Variants in ITGA6 observed in about 807,000 individuals in gnomAD.
ITGA6 encodes integrin subunit alpha 6, also known as integrin alpha-6.
In ITGA6, 63 loss-of-function variants were observed where a neutral mutation model predicts 133.6. That is an observed-to-expected ratio of 0.47 (90% CI 0.38 to 0.58). The LOEUF is 0.58. ITGA6 is among the 20% of genes least tolerant of loss of function. The pLI, the probability that ITGA6 is intolerant of heterozygous loss-of-function variation, is 0.00. For missense variants in ITGA6, 1,068 were observed against 1,309.4 expected, an observed-to-expected ratio of 0.82 and a Z score of 2.85; for synonymous variants, 434 against 482.0, an observed-to-expected ratio of 0.90 and a Z score of 1.30.
At chr2:172,459,518 C>A (rs1313799199) in intron 1 of ITGA6, among the ~76,000 whole-genome samples, 2 of 152,034 alleles carry the variant, frequency 1.3e-5, no homozygotes, top group African/African-American at 4.8e-5. Flanking sequence ...AAGAAGTTAC[C>A]CTTTTGAGAG....
rs1574362504 is a variant in ITGA6, at chr2:172,466,166, G to A, written c.307+503G>A. On this transcript the variant is annotated intron_variant, in intron 2 of 25. Transcript: ENST00000684293. The stretch of plus-strand genomic sequence containing the variant: ...TCTGGATAGGTAGAAGATACCATGA[G>A]GTAGGCATGTTGACATCCAGTGTAC... 1.4e-5 allele frequency: 3 copies of A among 207,754 alleles called. No individual in the cohort carries two copies. In the East Asian group the frequency reaches 3.5e-4, roughly 25 times the overall value. 12.9% of individuals were successfully genotyped at this position (207,754 alleles called of 1,614,324 possible).
chr2:172,437,866 A>G (rs1684389106), intron 1 of ITGA6, among the ~76,000 whole-genome samples: 2 of 151,782 alleles, frequency 1.3e-5, no homozygotes, highest in Non-Finnish European at 2.9e-5. Context: ...GGTCCTGGAA[A>G]CCACATGATG....
chr2:172,441,717 T>C lies in ITGA6; in HGVS notation c.182+13747T>C, dbSNP rs909844936. On this transcript the variant is annotated intron_variant, in intron 1 of 25. Transcript: ENST00000684293. Reference sequence around the variant, plus strand: ...TGAAACTATTTTCCACTTGTAGAAGTTGGGAAGGAACTTGGGGAATGGCCT... The same window carrying C: ...TGAAACTATTTTCCACTTGTAGAAGCTGGGAAGGAACTTGGGGAATGGCCT... 2.0e-5 allele frequency among the ~76,000 whole-genome samples: 3 copies of C among 152,222 alleles called. No homozygotes were observed. In the South Asian group the frequency reaches 6.2e-4, roughly 32 times the overall value.
intron 5 of ITGA6, chr2:172,472,754 C>A (rs751496079): frequency 4.1e-6 from 6 of 1,464,350 alleles, no homozygotes; most frequent in Non-Finnish European, 5.7e-6. Context: ...CAATTTCTTC[C>A]GTCCCGTGCA....
intron 1 of ITGA6, among the ~76,000 whole-genome samples, chr2:172,460,099 G>T (rs1483600016): frequency 6.6e-6 from 1 of 152,230 alleles, no homozygotes; most frequent in African/African-American, 2.4e-5. Context: ...GCTAGGAACA[G>T]TTTCTTTTGA....
intron 1 of ITGA6, among the ~76,000 whole-genome samples, chr2:172,446,363 G>C (rs1048854870): frequency 1.3e-5 from 2 of 152,148 alleles, no homozygotes; most frequent in Non-Finnish European, 2.9e-5. Context: ...TTTAAGACAT[G>C]AATCTTATTT....
At chr2:172,451,207 G>A (rs1162496887) in intron 1 of ITGA6, among the ~76,000 whole-genome samples, 1 of 151,626 alleles carries the variant, frequency 6.6e-6, no homozygotes, top group Non-Finnish European at 1.5e-5. Context: ...GCACGGTGGT[G>A]TAATCCCAGC....
intron 6 of ITGA6, 150 bp from the exon 7 acceptor site, chr2:172,474,779 C>T (rs558582450): frequency 1.5e-6 from 1 of 686,854 alleles, no homozygotes. Context: ...TTATAGGCTA[C>T]CTTGGTTTTT....
intron 10 of ITGA6, 80 bp downstream of exon 10, chr2:172,479,819 C>T (rs561822212): frequency 7.4e-7 from 1 of 1,346,700 alleles, no homozygotes; most frequent in East Asian, 2.3e-5. Context: ...CCTGAGGAGC[C>T]ACAGGGAAGA....
chr2:172,467,755 G>A (rs1685743393), intron 3 of ITGA6, among the ~76,000 whole-genome samples, 195 bp downstream of exon 3: 1 of 152,214 alleles, frequency 6.6e-6, no homozygotes, highest in Admixed American at 6.5e-5. Context: ...GTGAGGCCAA[G>A]GCGGGCGGAT....
At chr2:172,499,980 C>T (rs1022234212) in intron 24 of ITGA6, among the ~76,000 whole-genome samples, 5 of 152,054 alleles carry the variant, frequency 3.3e-5, no homozygotes, top group Admixed American at 3.3e-4. Flanking sequence ...GTCAAGGGGA[C>T]TCTAAAATAC....
At chr2:172,453,090 T>C (rs928733962) in intron 1 of ITGA6, among the ~76,000 whole-genome samples, 1 of 151,894 alleles carries the variant, frequency 6.6e-6, no homozygotes. Context: ...AATGAAAGAG[T>C]GGAGAGTGAA....
At position 172,491,104 on chromosome 2, in the gene ITGA6, A is replaced by C; in HGVS notation, c.2760A>C (p.Glu920Asp). ...ACAGAAAATTTTCTTTATTTGCTGA[A>C]AGAAAATACCAGACTCTTGTAAGTA... ...DDNRKFSLFA[E>D]RKYQTLNCSV... Residue 920 changes from glutamate (E) to aspartate (D), a missense_variant, in exon 21 of 26, where the codon GAA becomes GAC. Glu to Asp is a conservative substitution (Grantham distance 45). Coordinates refer to ENST00000684293, the MANE Select transcript of ITGA6 (RefSeq NM_000210.4). The surrounding 1 kb of genome is among the most constrained non-coding windows in gnomAD (Gnocchi z 4.4). 5.2e-6 allele frequency: 8 copies of C among 1,537,600 alleles called. No homozygotes were observed. Among genetic ancestry groups the C allele is most frequent in the Non-Finnish European group, 7.2e-6 (8 of 1,110,270 alleles).
intron 1 of ITGA6, among the ~76,000 whole-genome samples, chr2:172,447,782 C>T (rs181127372): frequency 6.6e-6 from 1 of 152,326 alleles, no homozygotes; most frequent in African/African-American, 2.4e-5. Flanking sequence ...TTTTCCTGAT[C>T]TGACCGCTCT....
rs749807672 is a variant in ITGA6, at chr2:172,476,434, G to A, written c.1309G>A (p.Ala437Thr). Residue 437 changes from alanine (A) to threonine (T), a missense_variant, in exon 9 of 26, where the codon GCT becomes ACT. Coordinates refer to ENST00000684293, the MANE Select transcript of ITGA6 (RefSeq NM_000210.4). ...ATCACCTTATTTTGGATATTCAATTGCTGGAAACATGGACCTTGATCGAAA... is the reference window on the plus strand; with the variant it reads ...ATCACCTTATTTTGGATATTCAATTACTGGAAACATGGACCTTGATCGAAA... Reference protein sequence around the residue: ...GISPYFGYSIAGNMDLDRNSY... With the variant: ...GISPYFGYSITGNMDLDRNSY... 41 of 1,612,294 alleles carry A rather than the reference G, an allele frequency of 2.5e-5. No homozygotes were observed. Among genetic ancestry groups the A allele is most frequent in the Non-Finnish European group, 3.1e-5 (37 of 1,178,500 alleles).
chr2:172,457,281 C>T (rs1292442445), intron 1 of ITGA6, among the ~76,000 whole-genome samples: 4 of 117,116 alleles, frequency 3.4e-5, no homozygotes, highest in South Asian at 2.8e-4. Flanking sequence ...GGTGACAGAG[C>T]GAGATTCTGT....
In ITGA6 at chr2:172,454,086, G is replaced by GT. The variant is rs1043100408; in HGVS notation, c.183-11449dup. Among the ~76,000 whole-genome samples the GT allele has an allele frequency of 4.3e-5, 5 of 117,134 alleles. No individual in the cohort carries two copies. In the South Asian group the frequency reaches 8.3e-4, roughly 19 times the overall value. 76.8% of individuals were successfully genotyped at this position (117,134 alleles called of 152,430 possible). On this transcript the variant is annotated intron_variant, in intron 1 of 25. Coordinates refer to ENST00000684293, the MANE Select transcript of ITGA6 (RefSeq NM_000210.4). ...AAGTGGGAAGTTTTTTTTTTGTTTTGTTTTGTTTTTTTTTTTTGAGATGGA... is the reference window on the plus strand; with the variant it reads ...AAGTGGGAAGTTTTTTTTTTGTTTTGTTTTTGTTTTTTTTTTTTGAGATGGA...
At chr2:172,456,738 C>T (rs556989543) in intron 1 of ITGA6, among the ~76,000 whole-genome samples, 2 of 152,336 alleles carry the variant, frequency 1.3e-5, no homozygotes, top group East Asian at 3.9e-4. Context: ...ATAGACAGCT[C>T]TCTGATGTAG....
chr2:172,503,074 T>C (rs1165697008), intron 25 of ITGA6, among the ~76,000 whole-genome samples: 7 of 152,172 alleles, frequency 4.6e-5, no homozygotes, highest in Admixed American at 2.0e-4. Flanking sequence ...TATAATTTTA[T>C]CTTGCTCCAT....
Sources: allele counts gnomAD v4.1 joint callset (sites outside exome capture counted in the v4.1 genomes callset), GRCh38; gene constraint gnomAD v4.1.1; non-coding constraint Gnocchi (gnomAD v3.1); transcripts MANE v1.5; gene names NCBI Gene and HGNC (gene_info 2026-07-23, HGNC 2026-07-21).